The following KIAA0586 variants were observed in gnomAD, a reference collection of about 807,000 sequenced individuals.
KIAA0586 encodes the protein KIAA0586, also known as protein TALPID3.
Under a neutral mutation model 169.8 loss-of-function variants are expected in KIAA0586, and 144 were observed. The observed-to-expected ratio is 0.85, with a 90% CI of 0.74 to 0.97. The LOEUF (loss-of-function observed/expected upper bound fraction) is 0.97. KIAA0586 is among the 50% of genes least tolerant of loss of function. The pLI is 0.00. For synonymous variants in KIAA0586, 625 were observed against 612.4 expected (o/e 1.02, Z -0.30); for missense variants, 1,854 against 1,823.0 (o/e 1.02, Z -0.31).
chr14:58,527,786 A>T (rs2045693835), intron 29 of KIAA0586, among the ~76,000 whole-genome samples: 1 of 152,238 alleles, frequency 6.6e-6, no homozygotes, highest in Non-Finnish European at 1.5e-5. Context: ...CACTATGAAG[A>T]AACTGCGTCA....
chr14:58,536,073 TAAC>T (rs2046267925), intron 29 of KIAA0586, among the ~76,000 whole-genome samples: 1 of 152,160 alleles, frequency 6.6e-6, no homozygotes, highest in Non-Finnish European at 1.5e-5. Context: ...AATATGAGTA[TAAC>T]TGTTATAAAG....
intron 30 of KIAA0586, 38 bp from the exon 31 acceptor site, chr14:58,547,743 T>A: frequency 6.3e-7 from 1 of 1,592,224 alleles, no homozygotes; most frequent in African/African-American, 1.3e-5. Flanking sequence ...ATACTCAGGT[T>A]ACGCATGTTG....
intron 18 of KIAA0586, among the ~76,000 whole-genome samples, chr14:58,473,300 G>T (rs2041365166): frequency 1.3e-5 from 2 of 152,106 alleles, no homozygotes; most frequent in Non-Finnish European, 2.9e-5. Flanking sequence ...AGACAAGATT[G>T]ACCATAAGTT....
At position 58,487,178 on chromosome 14, in the gene KIAA0586, A is replaced by G. The variant is rs370645135; in HGVS notation, c.3304+12A>G. ...ATGTGCTGAAAAAGGTAGAAACTTT[A>G]TTTCTATAACTCGGTTTTAATTTTA... On this transcript the variant is annotated intron_variant, in intron 22 of 30. Coordinates refer to ENST00000652326, the MANE Select transcript of KIAA0586 (RefSeq NM_001329943.3). 5.7e-5 allele frequency: 92 copies of G among 1,602,400 alleles called. 1 individual carries two copies. In the African/African-American group the frequency reaches 1.1e-3, roughly 19 times the overall value.
intron 27 of KIAA0586, among the ~76,000 whole-genome samples, chr14:58,506,723 G>A (rs556433806): frequency 8.5e-4 from 129 of 151,718 alleles, no homozygotes; most frequent in African/African-American, 2.7e-3. Context: ...GATGTATTTC[G>A]CTTTATGTAA....
At chr14:58,535,649 A>G (rs1463483288) in intron 29 of KIAA0586, among the ~76,000 whole-genome samples, 13 of 152,014 alleles carry the variant, frequency 8.6e-5, no homozygotes, top group African/African-American at 1.2e-4. Context: ...GTTATTTAAC[A>G]AGTACTAACT....
At chr14:58,478,191 C>T (rs141877145) in intron 20 of KIAA0586, among the ~76,000 whole-genome samples, 73 of 152,212 alleles carry the variant, frequency 4.8e-4, no homozygotes, top group African/African-American at 1.7e-3. Flanking sequence ...AGCTAAAAAT[C>T]ATTTTGGGTC....
chr14:58,543,244 T>A (rs2046771327), intron 30 of KIAA0586, among the ~76,000 whole-genome samples: 1 of 152,148 alleles, frequency 6.6e-6, no homozygotes, highest in Non-Finnish European at 1.5e-5. Context: ...TCTCTTATTA[T>A]TTTCTATCCC....
chr14:58,460,623 A>G (rs1344576719), intron 13 of KIAA0586, among the ~76,000 whole-genome samples: 1 of 152,124 alleles, frequency 6.6e-6, no homozygotes, highest in African/African-American at 2.4e-5. Context: ...CATTTAGATT[A>G]TGGTTGAAGG....
At chr14:58,444,982 A>G (rs2038742620) in intron 6 of KIAA0586, among the ~76,000 whole-genome samples, 1 of 151,396 alleles carries the variant, frequency 6.6e-6, no homozygotes, top group Non-Finnish European at 1.5e-5. Flanking sequence ...AGTCCCAGAT[A>G]CTTGAGAGGC....
intron 29 of KIAA0586, among the ~76,000 whole-genome samples, chr14:58,515,357 G>A (rs536722650): frequency 3.3e-5 from 5 of 152,262 alleles, no homozygotes; most frequent in Non-Finnish European, 7.4e-5. Context: ...CTGGCATTAT[G>A]TCCTGAGTTA....
chr14:58,562,075 C>T, the KIAA0586 span, among the ~76,000 whole-genome samples: 1 of 152,178 alleles, frequency 6.6e-6, no homozygotes, highest in Admixed American at 6.5e-5. Context: ...AACAAATAAA[C>T]ACAATTGACA....
At chr14:58,436,194 A>G (rs1435202321) in intron 4 of KIAA0586, among the ~76,000 whole-genome samples, 3 of 152,202 alleles carry the variant, frequency 2.0e-5, no homozygotes, top group Admixed American at 6.5e-5. Flanking sequence ...AGAGGAGGCA[A>G]AGTTATAATT....
rs369590767 is a variant in KIAA0586, at chr14:58,487,045, G to A, written c.3183G>A (p.Thr1061=). The stretch of plus-strand genomic sequence containing the variant: ...CCCCACTGCCTACCCCACAGCCTAC[G>A]CCTCCTTGCTCACCTTCATCACCTG... ...VCTPLPTPQP[T]PPCSPSSPAK... Residue 1061 remains threonine, a synonymous_variant, in exon 22 of 31, where the codon ACG becomes ACA. Coordinates refer to ENST00000652326, the MANE Select transcript of KIAA0586 (RefSeq NM_001329943.3). 7.9e-5 allele frequency: 128 copies of A among 1,613,050 alleles called. No homozygotes were observed. The highest frequency in any genetic ancestry group is 9.8e-5 in the Non-Finnish European group (116 of 1,179,274).
At chr14:58,505,175 G>C (rs1195293610) in intron 27 of KIAA0586, among the ~76,000 whole-genome samples, 1 of 152,058 alleles carries the variant, frequency 6.6e-6, no homozygotes, top group East Asian at 1.9e-4. Flanking sequence ...AATATATATG[G>C]TATGTGTGAT....
intron 4 of KIAA0586, among the ~76,000 whole-genome samples, chr14:58,433,501 G>C (rs1416151457): frequency 6.6e-6 from 1 of 152,108 alleles, no homozygotes; most frequent in African/African-American, 2.4e-5. Flanking sequence ...TTTCAACCTT[G>C]AATTTCTGTC....
At position 58,467,980 on chromosome 14, in the gene KIAA0586, G is replaced by A. The variant is rs902267705; in HGVS notation, c.2442+58G>A. ...GGAAGAAAAAATTTTTTTGCTTAAC[G>A]TTAGTACGGAAATCCATTATATTGC... is the stretch of plus-strand genomic sequence containing the variant. On this transcript the variant is annotated intron_variant, in intron 16 of 30. Transcript: ENST00000652326. The A allele has an allele frequency of 2.4e-5, 28 of 1,147,846 alleles. 1 individual carries two copies. In the South Asian group the frequency reaches 2.8e-4, roughly 12 times the overall value. The allele number at this position is 1,147,846 out of a possible 1,614,324, so 71.1% of individuals were successfully genotyped here. A position where few individuals can be genotyped will look rare whatever the true frequency, so the allele number is the denominator to read the frequency against.
chr14:58,526,138 G>A (rs896249597), intron 29 of KIAA0586, among the ~76,000 whole-genome samples: 2 of 152,250 alleles, frequency 1.3e-5, no homozygotes, highest in Non-Finnish European at 2.9e-5. Flanking sequence ...TGCAGCTTCA[G>A]CAGACAGATG....
chr14:58,532,115 A>G (rs979187371), intron 29 of KIAA0586, among the ~76,000 whole-genome samples: 4 of 151,988 alleles, frequency 2.6e-5, no homozygotes, highest in Admixed American at 2.0e-4. Context: ...GCAAACCACC[A>G]TGGCATGTGT....
Sources: allele counts gnomAD v4.1 joint callset (sites outside exome capture counted in the v4.1 genomes callset), GRCh38; gene constraint gnomAD v4.1.1; transcripts MANE v1.5; gene names NCBI Gene and HGNC (gene_info 2026-07-23, HGNC 2026-07-21).